The following RBFOX1 variants were observed in gnomAD, a reference collection of about 807,000 sequenced individuals.
The protein encoded by RBFOX1 is RNA binding fox-1 homolog 1, also known as RNA binding protein fox-1 homolog 1.
In RBFOX1, 8 loss-of-function variants were observed where a neutral mutation model predicts 57.7. The ratio of observed to expected loss-of-function variants is 0.14; its 90% CI spans 0.08 to 0.25. The LOEUF is 0.25. Among genes scored for constraint, RBFOX1 ranks in the 10% least tolerant of loss-of-function variants. The pLI, the probability that RBFOX1 is intolerant of heterozygous loss-of-function variation, is 1.00. For missense variants in RBFOX1, 611 were observed against 548.5 expected (o/e 1.11, Z -1.14); for synonymous variants, 326 against 222.4 (o/e 1.47, Z -4.15).
chr16:5,894,490 G>T (rs952468621), intron 4 of RBFOX1, among the ~76,000 whole-genome samples: 1 of 151,978 alleles, frequency 6.6e-6, no homozygotes, highest in Non-Finnish European at 1.5e-5. Flanking sequence ...GGCCTGGCTG[G>T]TCTTGAACTC....
chr16:6,772,425 CGTGT>C (rs138817907), intron 3 of RBFOX1, among the ~76,000 whole-genome samples: 21 of 146,880 alleles, frequency 1.4e-4, no homozygotes, highest in South Asian at 6.3e-4. Context: ...TGCGCACGTG[CGTGT>C]GTGTGTGTGT....
intron 4 of RBFOX1, among the ~76,000 whole-genome samples, chr16:7,294,506 A>G (rs374260488): frequency 6.0e-5 from 9 of 150,426 alleles, no homozygotes; most frequent in African/African-American, 2.2e-4. Context: ...AGAAATGATG[A>G]TAGGAAAGTG....
intron 3 of RBFOX1, among the ~76,000 whole-genome samples, chr16:5,686,673 G>T (rs1469233286): frequency 6.6e-6 from 1 of 152,138 alleles, no homozygotes; most frequent in Admixed American, 6.5e-5. Flanking sequence ...TCAGTACTTA[G>T]TATTGAGGGT....
chr16:6,503,205 A>T (rs74529592), intron 2 of RBFOX1, among the ~76,000 whole-genome samples: 348 of 33,848 alleles, frequency 0.01, no homozygotes, highest in Admixed American at 0.032. Flanking sequence ...TTTTCATAAC[A>T]TTTTTTTAAT....
At chr16:7,498,287 A>C (rs575501541) in intron 4 of RBFOX1, among the ~76,000 whole-genome samples, 1 of 152,152 alleles carries the variant, frequency 6.6e-6, no homozygotes, top group African/African-American at 2.4e-5. Context: ...GGTGGCTTCA[A>C]ATTTAAATAG....
chr16:5,583,255 G>A (rs1344764472), intron 2 of RBFOX1, among the ~76,000 whole-genome samples: 1 of 152,146 alleles, frequency 6.6e-6, no homozygotes, highest in Admixed American at 6.5e-5. Context: ...GGCCTTAGAA[G>A]GACTCCATAC....
In RBFOX1 at chr16:6,191,890, C is replaced by G. The variant is rs116150057; in HGVS notation, c.-126-125105C>G. Reference sequence around the variant, plus strand: ...CGTGATTTGAAGGGGGGAGAATCATCTCTGCAATTATGTCACTGCTAAGCT... The same window carrying G: ...CGTGATTTGAAGGGGGGAGAATCATGTCTGCAATTATGTCACTGCTAAGCT... On this transcript the variant is annotated intron_variant, in intron 1 of 15. Coordinates refer to ENST00000550418, the MANE Select transcript of RBFOX1 (RefSeq NM_018723.4). 7.5e-3 allele frequency among the ~76,000 whole-genome samples: 1,139 copies of G among 152,230 alleles called. 13 individuals are homozygous for G. The highest frequency in any genetic ancestry group is 0.026 in the African/African-American group (1,071 of 41,540).
At chr16:6,812,716 T>G (rs188112527) in intron 3 of RBFOX1, among the ~76,000 whole-genome samples, 5 of 152,262 alleles carry the variant, frequency 3.3e-5, no homozygotes, top group African/African-American at 1.2e-4. Context: ...TCTAAATCTT[T>G]TAGGACAAGT....
At chr16:7,087,576 G>T (rs910388500) in intron 4 of RBFOX1, among the ~76,000 whole-genome samples, 2 of 151,378 alleles carry the variant, frequency 1.3e-5, no homozygotes, top group Non-Finnish European at 3.0e-5. Flanking sequence ...GAGGGAGAGA[G>T]GGAGGGAGGG....
At chr16:6,288,480 A>C (rs766266862) in intron 1 of RBFOX1, among the ~76,000 whole-genome samples, 5 of 152,206 alleles carry the variant, frequency 3.3e-5, no homozygotes, top group Admixed American at 1.3e-4. Flanking sequence ...AGGTCCATGC[A>C]TCATACATAC....
In RBFOX1 at chr16:7,498,211, C is replaced by T. The variant is rs553230014; in HGVS notation, c.28-19936C>T. On this transcript the variant is annotated intron_variant, in intron 4 of 15. Coordinates refer to ENST00000550418, the MANE Select transcript of RBFOX1 (RefSeq NM_018723.4). ...AGCTTCCCTGTTCTGGATATATCTCCATAAGTCCATTTCAAAAAATGTTCA... is the reference window on the plus strand; with the variant it reads ...AGCTTCCCTGTTCTGGATATATCTCTATAAGTCCATTTCAAAAAATGTTCA... Among the ~76,000 whole-genome samples the T allele has an allele frequency of 1.4e-3, 209 of 152,214 alleles. 1 individual carries two copies. The highest frequency in any genetic ancestry group is 4.9e-3 in the African/African-American group (204 of 41,532).
chr16:7,200,036 C>G (rs775570409), intron 4 of RBFOX1, among the ~76,000 whole-genome samples: 1 of 152,172 alleles, frequency 6.6e-6, no homozygotes, highest in Non-Finnish European at 1.5e-5. Context: ...AGCCAGATTT[C>G]TGGGAAATTC....
At chr16:6,405,917 A>C (rs927047895) in intron 2 of RBFOX1, among the ~76,000 whole-genome samples, 2 of 152,360 alleles carry the variant, frequency 1.3e-5, no homozygotes, top group Non-Finnish European at 2.9e-5. Flanking sequence ...TAAAATTGCA[A>C]GTGCATGAGA....
At chr16:7,071,587 A>ATGTGTGTGTG (rs60039723) in intron 4 of RBFOX1, among the ~76,000 whole-genome samples, 1 of 147,952 alleles carries the variant, frequency 6.8e-6, no homozygotes, top group African/African-American at 2.5e-5. Context: ...TTGCCCAGAT[A>ATGTGTGTGTG]TGTGTGTGTG....
intron 14 of RBFOX1, among the ~76,000 whole-genome samples, chr16:7,682,629 C>T (rs989140742): frequency 1.3e-5 from 2 of 150,254 alleles, no homozygotes; most frequent in East Asian, 2.0e-4. Context: ...AAAAGATGAT[C>T]TGTCAAGTTG....
At chr16:5,579,571 C>T (rs966204973) in intron 2 of RBFOX1, among the ~76,000 whole-genome samples, 3 of 152,106 alleles carry the variant, frequency 2.0e-5, no homozygotes, top group African/African-American at 4.8e-5. Flanking sequence ...TTCTCCAGCT[C>T]GCCCTGCTGC....
At position 6,786,026 on chromosome 16, in the gene RBFOX1, C is replaced by G. The variant is rs540207408; in HGVS notation, c.-16+131376C>G. Among the ~76,000 whole-genome samples the G allele has an allele frequency of 3.3e-5, 5 of 152,360 alleles. No homozygotes were observed. In the South Asian group the frequency reaches 6.2e-4, roughly 19 times the overall value. On this transcript the variant is annotated intron_variant, in intron 3 of 15. Transcript: ENST00000550418. ...ACACCCCATCTTGAGCTTAGAGACA[C>G]ACACAAATGGTAGTGTCTGCACTGG...
In RBFOX1 at chr16:6,595,548, C is replaced by T. The variant is rs7205891; in HGVS notation, c.-63-59055C>T. Among the ~76,000 whole-genome samples, 5 of 152,072 alleles carry T rather than the reference C, an allele frequency of 3.3e-5. No homozygotes were observed. In the South Asian group the frequency reaches 1.0e-3, roughly 32 times the overall value. ...ATGTACAAGTTTTTCTGTGTACTTA[C>T]GTTTTTATTTCTCTTGGATATATAC... On this transcript the variant is annotated intron_variant, in intron 2 of 15. Coordinates refer to ENST00000550418, the MANE Select transcript of RBFOX1 (RefSeq NM_018723.4).
intron 3 of RBFOX1, among the ~76,000 whole-genome samples, chr16:5,621,059 C>G (rs139757320): frequency 0.019 from 2,835 of 152,268 alleles, 56 homozygotes; most frequent in East Asian, 0.089. Flanking sequence ...CCAGGATGGT[C>G]TTGATGTCCT....
Sources: allele counts gnomAD v4.1 joint callset (sites outside exome capture counted in the v4.1 genomes callset), GRCh38; gene constraint gnomAD v4.1.1; transcripts MANE v1.5; gene names NCBI Gene and HGNC (gene_info 2026-07-23, HGNC 2026-07-21).